Variants in PLPP3 observed in about 807,000 individuals in gnomAD.
The protein encoded by PLPP3 is phospholipid phosphatase 3, also known as PAP2 beta.
PLPP3 carries 6 observed loss-of-function variants against 29.6 expected under a neutral mutation model. That is an observed-to-expected ratio of 0.20 (90% CI 0.11 to 0.40). The LOEUF (loss-of-function observed/expected upper bound fraction) is 0.40, where lower values mean the gene tolerates loss of function less well. Among genes scored for constraint, PLPP3 ranks in the 10% least tolerant of loss-of-function variants. PLPP3 has a pLI of 1.00. For synonymous variants in PLPP3, 152 were observed against 159.7 expected (o/e 0.95, Z 0.36); for missense variants, 308 against 407.7 (o/e 0.76, Z 2.11).
chr1:56,562,170 G>A (rs1353275181), intron 1 of PLPP3, among the ~76,000 whole-genome samples: 2 of 151,992 alleles, frequency 1.3e-5, no homozygotes, highest in African/African-American at 2.4e-5. Context: ...GTGTGAAGGG[G>A]TTGGGAGAGA....
At chr1:56,498,891 C>T (rs146815606) in intron 5 of PLPP3, among the ~76,000 whole-genome samples, 15 of 152,290 alleles carry the variant, frequency 9.8e-5, no homozygotes, top group African/African-American at 2.2e-4. Flanking sequence ...CTCAGCCTTC[C>T]AAAGAACTGG....
intron 5 of PLPP3, among the ~76,000 whole-genome samples, chr1:56,497,677 C>CTGTGT (rs1308143907): frequency 1.3e-5 from 2 of 152,298 alleles, no homozygotes; most frequent in East Asian, 3.9e-4. Context: ...GTAATGTGCT[C>CTGTGT]ACTACTAATG....
At chr1:56,508,565 C>T (rs75620107) in intron 5 of PLPP3, among the ~76,000 whole-genome samples, 3,870 of 152,266 alleles carry the variant, frequency 0.025, 55 homozygotes, top group South Asian at 0.087. Flanking sequence ...TTTCAAAAAC[C>T]ATTCAATACA....
At chr1:56,510,039 C>T (rs1645729721) in intron 5 of PLPP3, among the ~76,000 whole-genome samples, 1 of 152,122 alleles carries the variant, frequency 6.6e-6, no homozygotes, top group Admixed American at 6.5e-5. Context: ...TTGCTTATGG[C>T]CCATGTTTTA....
intron 1 of PLPP3, among the ~76,000 whole-genome samples, chr1:56,557,022 G>A (rs375924772): frequency 0.15 from 1,836 of 11,962 alleles, 217 homozygotes; most frequent in East Asian, 0.29. Context: ...GAGAGAGAGA[G>A]AGAAAGAGAG....
chr1:56,518,196 A>C (rs1445424028), intron 4 of PLPP3, among the ~76,000 whole-genome samples: 1 of 152,114 alleles, frequency 6.6e-6, no homozygotes, highest in Non-Finnish European at 1.5e-5. Flanking sequence ...TGGAAACAAC[A>C]ATCTTGCTCC....
At chr1:56,545,620 T>C (rs1646000675) in intron 1 of PLPP3, among the ~76,000 whole-genome samples, 1 of 152,202 alleles carries the variant, frequency 6.6e-6, no homozygotes, top group South Asian at 2.1e-4. Context: ...AACCCTGCCA[T>C]ATATTCTCAA....
intron 2 of PLPP3, among the ~76,000 whole-genome samples, chr1:56,534,860 G>A (rs1645914202): frequency 6.6e-6 from 1 of 152,120 alleles, no homozygotes. Context: ...TGCAACAGCA[G>A]TTGGACCAAG....
At chr1:56,575,500 G>C (rs77723716) in intron 1 of PLPP3, among the ~76,000 whole-genome samples, 3 of 152,158 alleles carry the variant, frequency 2.0e-5, no homozygotes, top group African/African-American at 7.2e-5. Context: ...TTACTGACTG[G>C]AAGACTGGGA....
In PLPP3 at chr1:56,560,277, G is replaced by T. The variant is rs541357796; in HGVS notation, c.139+18601C>A. 9.3e-4 allele frequency among the ~76,000 whole-genome samples: 141 copies of T among 152,234 alleles called. 1 individual carries two copies. The highest frequency in any genetic ancestry group is 1.5e-3 in the Non-Finnish European group (101 of 68,014). ...TGACTCATCACCATCATTTATTCAG[G>T]TGCTTTTAATTATAAAATTGTTCAG... On this transcript the variant is annotated intron_variant, in intron 1 of 5. Coordinates refer to ENST00000371250, the MANE Select transcript of PLPP3 (RefSeq NM_003713.5).
At chr1:56,511,847 A>T in intron 5 of PLPP3, 129 bp downstream of exon 5, 1 of 1,089,326 alleles carries the variant, frequency 9.2e-7, no homozygotes. Flanking sequence ...GCCTAAGGCC[A>T]GGTGACTCTT....
chr1:56,510,513 T>C (rs1291003669), intron 5 of PLPP3, among the ~76,000 whole-genome samples: 1 of 152,208 alleles, frequency 6.6e-6, no homozygotes, highest in African/African-American at 2.4e-5. Context: ...TTCTCCCTCT[T>C]CTTGACCCCT....
chr1:56,542,801 T>A (rs1259110250), intron 1 of PLPP3, among the ~76,000 whole-genome samples: 1 of 152,000 alleles, frequency 6.6e-6, no homozygotes, highest in Non-Finnish European at 1.5e-5. Context: ...GCAGTTGCAT[T>A]GCTTGAGCTC....
intron 1 of PLPP3, among the ~76,000 whole-genome samples, chr1:56,541,427 A>G (rs1645968365): frequency 6.6e-6 from 1 of 152,212 alleles, no homozygotes; most frequent in African/African-American, 2.4e-5. Flanking sequence ...GTATGTGCCC[A>G]AACTGTCTTG....
chr1:56,557,018 G>GAA (rs1273560377), intron 1 of PLPP3, among the ~76,000 whole-genome samples: 1 of 13,804 alleles, frequency 7.2e-5, no homozygotes, highest in South Asian at 1.3e-3. Context: ...AAGAGAGAGA[G>GAA]AGAGAGAAAG....
At chr1:56,535,171 C>A (rs1018063755) in intron 2 of PLPP3, among the ~76,000 whole-genome samples, 1 of 152,138 alleles carries the variant, frequency 6.6e-6, no homozygotes, top group African/African-American at 2.4e-5. Context: ...CTCTATGTAA[C>A]AGATGTATTT....
intron 1 of PLPP3, among the ~76,000 whole-genome samples, chr1:56,553,000 T>C (rs1247708854): frequency 6.6e-6 from 1 of 152,160 alleles, no homozygotes; most frequent in Non-Finnish European, 1.5e-5. Flanking sequence ...GAGAAGAGGC[T>C]AGACTAGCTG....
chr1:56,518,636 T>A (rs76139953), intron 4 of PLPP3, among the ~76,000 whole-genome samples: 2 of 151,596 alleles, frequency 1.3e-5, no homozygotes, highest in Non-Finnish European at 2.9e-5. Context: ...CAGGCATTAT[T>A]TTGGGAAGTA....
intron 5 of PLPP3, among the ~76,000 whole-genome samples, chr1:56,506,465 G>A (rs1453467313): frequency 6.6e-6 from 1 of 152,142 alleles, no homozygotes; most frequent in African/African-American, 2.4e-5. Flanking sequence ...AAAGAGCAAC[G>A]GCAAGCGGAG....
Sources: allele counts gnomAD v4.1 joint callset (sites outside exome capture counted in the v4.1 genomes callset), GRCh38; gene constraint gnomAD v4.1.1; transcripts MANE v1.5; gene names NCBI Gene and HGNC (gene_info 2026-07-23, HGNC 2026-07-21).